HTR2C: variants seen among roughly 807,000 people sequenced by gnomAD.
HTR2C encodes the protein 5-hydroxytryptamine (serotonin) receptor 2C, G protein-coupled.
HTR2C carries 5 observed loss-of-function variants against 21.0 expected under a neutral mutation model. That is an observed-to-expected ratio of 0.24 (90% confidence interval 0.12 to 0.50). The LOEUF (loss-of-function observed/expected upper bound fraction) is 0.50. HTR2C is among the 20% of genes least tolerant of loss of function. The pLI is 0.98. For missense variants in HTR2C, 271 were observed against 371.2 expected (o/e 0.73, Z 2.22); for synonymous variants, 150 against 145.3 (o/e 1.03, Z -0.23).
At chrX:114,806,327 CAT>C (rs782338364) in intron 4 of HTR2C, among the ~76,000 whole-genome samples, 1 of 93,041 alleles carries the variant, frequency 1.1e-5, no homozygotes, top group East Asian at 3.4e-4. Flanking sequence ...ATATATACAC[CAT>C]ATATATACAC....
chrX:114,604,661 A>C (rs1438615826), intron 1 of HTR2C, among the ~76,000 whole-genome samples: 5 of 111,070 alleles, frequency 4.5e-5, no homozygotes, highest in African/African-American at 1.6e-4. Context: ...TGAGTTAAAC[A>C]GTCCGATTTT....
At chrX:114,766,308 A>G (rs782638267) in intron 4 of HTR2C, among the ~76,000 whole-genome samples, 2 of 111,903 alleles carry the variant, frequency 1.8e-5, no homozygotes, top group African/African-American at 3.2e-5. Flanking sequence ...ATTTCATACA[A>G]TAGTGTTAAT....
Position 114,686,404 on chromosome X carries a change from G to A in HTR2C, c.-79-40454G>A, listed in dbSNP as rs183753044. 2.2e-3 allele frequency among the ~76,000 whole-genome samples: 245 copies of A among 111,174 alleles called. 1 individual carries two copies. The highest frequency in any genetic ancestry group is 3.5e-3 in the Non-Finnish European group (187 of 52,995). On this transcript the variant is annotated intron_variant, in intron 2 of 5. Transcript: ENST00000276198. ...AGTACTATTACTCTTGCTTTTAGTGGTAACTTTGACAATTTATTGCTAGAA... is the reference window on the plus strand; with the variant it reads ...AGTACTATTACTCTTGCTTTTAGTGATAACTTTGACAATTTATTGCTAGAA...
chrX:114,789,165 A>G (rs1338795145), intron 4 of HTR2C, among the ~76,000 whole-genome samples: 1 of 112,011 alleles, frequency 8.9e-6, no homozygotes, highest in African/African-American at 3.2e-5. Context: ...CTTTTGGCGC[A>G]GGGATAATTC....
At chrX:114,704,891 C>G (rs1265895702) in intron 2 of HTR2C, among the ~76,000 whole-genome samples, 1 of 106,484 alleles carries the variant, frequency 9.4e-6, no homozygotes, top group African/African-American at 3.4e-5. Flanking sequence ...GCAAAAATCA[C>G]AAGCATTCTT....
At chrX:114,770,995 T>G (rs111425657) in intron 4 of HTR2C, among the ~76,000 whole-genome samples, 42 of 109,993 alleles carry the variant, frequency 3.8e-4, no homozygotes, top group African/African-American at 1.2e-3. Context: ...AGAGACGAGG[T>G]TTCACCATGT....
At chrX:114,704,882 C>G (rs1477288305) in intron 2 of HTR2C, among the ~76,000 whole-genome samples, 1 of 105,983 alleles carries the variant, frequency 9.4e-6, no homozygotes, top group Non-Finnish European at 2.0e-5. Context: ...AATCAATGTG[C>G]AAAAATCACA....
chrX:114,760,798 C>T (rs2069858994), intron 4 of HTR2C, among the ~76,000 whole-genome samples: 1 of 111,913 alleles, frequency 8.9e-6, no homozygotes, highest in South Asian at 3.7e-4. Context: ...GCTGGAATTA[C>T]AGGCATGAGT....
chrX:114,889,301 A>G (rs5988154), intron 5 of HTR2C, among the ~76,000 whole-genome samples: 3,934 of 111,766 alleles, frequency 0.035, 177 homozygotes, highest in African/African-American at 0.12. Flanking sequence ...GTTGCTAAGG[A>G]GTTCTGTGTT....
chrX:114,884,980 G>A (rs1556480858), intron 5 of HTR2C, among the ~76,000 whole-genome samples: 3 of 109,938 alleles, frequency 2.7e-5, no homozygotes, highest in African/African-American at 6.6e-5. Context: ...GAGAATGTGC[G>A]AGGTGCACTT....
At chrX:114,807,226 A>G (rs111220990) in intron 4 of HTR2C, among the ~76,000 whole-genome samples, 498 of 16,446 alleles carry the variant, frequency 0.03, 51 homozygotes, top group African/African-American at 0.043. Flanking sequence ...TACCATGTAT[A>G]TATACACCAT....
chrX:114,791,270 T>C (rs1488318035), intron 4 of HTR2C, among the ~76,000 whole-genome samples: 2 of 112,607 alleles, frequency 1.8e-5, no homozygotes, highest in East Asian at 5.6e-4. Context: ...AATCTGAATG[T>C]GCTTATGAAT....
intron 2 of HTR2C, among the ~76,000 whole-genome samples, chrX:114,720,537 T>G: frequency 9.7e-6 from 1 of 103,604 alleles, no homozygotes; most frequent in Admixed American, 1.1e-4. Context: ...TAATTATACT[T>G]TAAGTTTTAG....
rs782812822 is a variant in HTR2C, at chrX:114,727,132, A to T, written c.35+161A>T. Among the ~76,000 whole-genome samples, 4 of 111,951 alleles carry T rather than the reference A, an allele frequency of 3.6e-5. No individual in the cohort carries two copies. In the South Asian group the frequency reaches 1.5e-3, roughly 41 times the overall value. On this transcript the variant is annotated intron_variant, in intron 3 of 5. Transcript: ENST00000276198. ...CTAATATTATGGGTGTTTCCTATTCAAAAATAATTAATGGAAAAAAAAATT... is the reference window on the plus strand; with the variant it reads ...CTAATATTATGGGTGTTTCCTATTCTAAAATAATTAATGGAAAAAAAAATT...
intron 1 of HTR2C, among the ~76,000 whole-genome samples, chrX:114,607,654 T>A (rs1223146620): frequency 9.0e-6 from 1 of 111,337 alleles, no homozygotes; most frequent in Non-Finnish European, 1.9e-5. Context: ...GTTAATACAT[T>A]TTTCATACAC....
chrX:114,726,661 C>T (rs185976390), intron 2 of HTR2C, among the ~76,000 whole-genome samples, 197 bp from the exon 3 acceptor site: 56 of 112,338 alleles, frequency 5.0e-4, no homozygotes, highest in African/African-American at 1.7e-3. Flanking sequence ...TTTTTAAAAA[C>T]TGCGATGATA....
chrX:114,909,831 G>A lies in HTR2C; in HGVS notation c.*2416G>A, dbSNP rs1225961481. On this transcript the variant is annotated 3_prime_UTR_variant, in exon 6 of 6. Transcript: ENST00000276198. ...AAGAAGTCCATGTGATAATTGTAAA[G>A]GTGATGAATTTACCATCAAACAAAT... The A allele has an allele frequency of 8.9e-6, 1 of 112,202 alleles. No individual in the cohort carries two copies. The highest frequency in any genetic ancestry group is 1.9e-5 in the Non-Finnish European group (1 of 53,173). The allele number at this position is 112,202 out of a possible 1,213,427, so 9.2% of individuals were successfully genotyped here. A position where few individuals can be genotyped will look rare whatever the true frequency, so the allele number is the denominator to read the frequency against.
At chrX:114,752,001 C>T (rs1482178685) in intron 4 of HTR2C, among the ~76,000 whole-genome samples, 1 of 111,547 alleles carries the variant, frequency 9.0e-6, no homozygotes, top group African/African-American at 3.3e-5. Context: ...AGACTAAGAC[C>T]GTTAAACTTA....
intron 4 of HTR2C, among the ~76,000 whole-genome samples, chrX:114,783,749 G>A (rs183955555): frequency 1.8e-4 from 20 of 111,222 alleles, no homozygotes; most frequent in Non-Finnish European, 2.3e-4. Context: ...TTCTCTGACC[G>A]TAAACATATA....
Sources: allele counts gnomAD v4.1 joint callset (sites outside exome capture counted in the v4.1 genomes callset), GRCh38; gene constraint gnomAD v4.1.1; transcripts MANE v1.5; gene names NCBI Gene and HGNC (gene_info 2026-07-23, HGNC 2026-07-21).